MROH1: variants seen among roughly 807,000 people sequenced by gnomAD.
The protein encoded by MROH1 is maestro heat-like repeat-containing protein family member 1.
A neutral mutation model predicts 116.5 loss-of-function variants in MROH1; 117 were observed. That is an observed-to-expected ratio of 1.00 (90% confidence interval 0.86 to 1.17). The LOEUF is 1.17. Ranked by LOEUF, MROH1 falls within the 50% of genes most tolerant of loss-of-function variation. The pLI is 0.00. For missense variants in MROH1, 1,873 were observed against 1,338.5 expected, an observed-to-expected ratio of 1.40 and a Z score of -6.23; for synonymous variants, 921 against 583.9, an observed-to-expected ratio of 1.58 and a Z score of -8.32.
chr8:144,223,244 A>C lies in MROH1; in HGVS notation c.1338+14A>C, dbSNP rs750254440. ...CCCGAGCAGGAGGTAAGGGGCTGCC[A>C]CCTTGCCTGCCTCCTAGGCCCACGC... On this transcript the variant is annotated intron_variant, in intron 14 of 43. Coordinates refer to ENST00000326134, the MANE Select transcript of MROH1 (RefSeq NM_032450.3). 1 of 1,587,092 alleles carries C rather than the reference A, an allele frequency of 6.3e-7. No individual in the cohort carries two copies. The highest frequency in any genetic ancestry group is 2.3e-5 in the East Asian group (1 of 43,410).
rs942301285 is a variant in MROH1, at chr8:144,238,496, C to T, written c.1339-260C>T. On this transcript the variant is annotated intron_variant, in intron 14 of 43. Transcript: ENST00000326134. ...CTCCCCTGCAGGCATTGCAACCTCA[C>T]GAGCAGTGATTTTTTATGGAGTCAG... 7.3e-3 allele frequency among the ~76,000 whole-genome samples: 1,114 copies of T among 152,314 alleles called. 11 individuals are homozygous for T. The highest frequency in any genetic ancestry group is 0.024 in the African/African-American group (978 of 41,558).
intron 22 of MROH1, chr8:144,242,076 G>A (rs1395569171): frequency 1.9e-6 from 1 of 531,156 alleles, no homozygotes; most frequent in Non-Finnish European, 3.4e-6. Context: ...ACTCTCTCAC[G>A]TGGCTGTGCT....
Position 144,242,538 on chromosome 8 carries a change from C to T in MROH1, c.2325+23C>T, listed in dbSNP as rs1302509265. On this transcript the variant is annotated intron_variant, in intron 23 of 43. Transcript: ENST00000326134. ...AAGGTGGGCACTGCGGTGGGCCTGC[C>T]ACGCAGGGGAGCTGGGGCTGCCGGG... is the stretch of plus-strand genomic sequence containing the variant. 9 of 780,398 alleles carry T rather than the reference C, an allele frequency of 1.2e-5. No individual in the cohort carries two copies. In the Admixed American group the frequency reaches 1.2e-4, roughly 10 times the overall value. 48.3% of individuals were successfully genotyped at this position (780,398 alleles called of 1,614,324 possible). A position where few individuals can be genotyped will look rare whatever the true frequency, so the allele number is the denominator to read the frequency against.
Position 144,244,548 on chromosome 8 carries a change from G to C in MROH1, c.2766+9G>C. The C allele has an allele frequency of 1.3e-6, 1 of 750,622 alleles. No individual in the cohort carries two copies. Among genetic ancestry groups the C allele is most frequent in the Admixed American group, 1.8e-5 (1 of 55,158 alleles). The allele number at this position is 750,622 out of a possible 1,614,324, so 46.5% of individuals were successfully genotyped here. On this transcript the variant is annotated intron_variant, in intron 28 of 43. Coordinates refer to ENST00000326134, the MANE Select transcript of MROH1 (RefSeq NM_032450.3). ...TGCAGATCATGATTGAGGTGTGCAG[G>C]GGGGAACTGTCATGGGGATGGGGAT...
At chr8:144,217,706 C>T (rs1162032523) in intron 12 of MROH1, among the ~76,000 whole-genome samples, 1 of 152,214 alleles carries the variant, frequency 6.6e-6, no homozygotes, top group Non-Finnish European at 1.5e-5. Context: ...CGGCTTCAAG[C>T]GATTCTTGCA....
intron 14 of MROH1, among the ~76,000 whole-genome samples, chr8:144,234,961 CGGCTCACTGT>C (rs1376482739): frequency 4.8e-5 from 7 of 144,742 alleles, no homozygotes; most frequent in African/African-American, 1.8e-4. Context: ...GGCACCCTCT[CGGCTCACTGT>C]GACCTCCGCC....
chr8:144,201,733 G>T (rs1260673819), intron 12 of MROH1, among the ~76,000 whole-genome samples: 3 of 151,786 alleles, frequency 2.0e-5, no homozygotes, highest in Admixed American at 6.6e-5. Flanking sequence ...CAGCAGGGCC[G>T]GCCGGGCAGT....
chr8:144,261,297 G>A lies in MROH1; in HGVS notation c.4788G>A (p.Leu1596=), dbSNP rs1045021788. The A allele has an allele frequency of 1.4e-6, 1 of 734,180 alleles. No homozygotes were observed. The highest frequency in any genetic ancestry group is 2.5e-6 in the Non-Finnish European group (1 of 404,178). 45.5% of individuals were successfully genotyped at this position (734,180 alleles called of 1,614,324 possible). The change falls in exon 43 of 44, where the codon CTG becomes CTA. Residue 1596 remains leucine, a synonymous_variant. Coordinates refer to ENST00000326134, the MANE Select transcript of MROH1 (RefSeq NM_032450.3). ...CCCACTTCACAGGGTTCCTGGTGCT[G>A]CACTCGGAGCCCAGGCAGCAGCCGC... ...AAPLFTGFLV[L]HSEPRQQPQV... is the part of the protein sequence containing the mutation.
At chr8:144,220,140 C>T (rs894476264) in intron 12 of MROH1, among the ~76,000 whole-genome samples, 3 of 152,212 alleles carry the variant, frequency 2.0e-5, no homozygotes, top group African/African-American at 7.2e-5. Flanking sequence ...TGATGGTTCT[C>T]AAGGGGGTCC....
chr8:144,239,529 C>T (rs56091706), intron 17 of MROH1, 85 bp from the exon 18 acceptor site: 20 of 758,046 alleles, frequency 2.6e-5, no homozygotes, highest in Non-Finnish European at 3.4e-5. Flanking sequence ...GGCTCCCCGT[C>T]GGGTGATGTG....
chr8:144,151,685 G>A (rs1816832030), intron 1 of MROH1, among the ~76,000 whole-genome samples: 1 of 152,220 alleles, frequency 6.6e-6, no homozygotes, highest in African/African-American at 2.4e-5. Context: ...TTTAGCACAA[G>A]CTGCCTATAG....
intron 7 of MROH1, 95 bp from the exon 8 acceptor site, chr8:144,190,689 G>A (rs143746936): frequency 2.0e-5 from 30 of 1,478,318 alleles, no homozygotes; most frequent in African/African-American, 1.5e-4. Flanking sequence ...CTTGCAGGCC[G>A]TGGGATTTCT....
chr8:144,238,756 C>A lies in MROH1; in HGVS notation c.1339C>A (p.Pro447Thr). Residue 447 changes from proline (P) to threonine (T), a missense_variant and splice_region_variant, in exon 15 of 44, where the codon CCT (proline) becomes ACT (threonine). Physicochemically the swap from Pro to Thr is conservative, Grantham distance 38. Coordinates refer to ENST00000326134, the MANE Select transcript of MROH1 (RefSeq NM_032450.3). ...GCCTTTGCCTTTTGCCTTCCTCCAG[C>A]CTGAGAAGCCAGGCCCCGGCAGCAA... ...QQCALPPEQE[P>T]EKPGPGSKDP... The A allele has an allele frequency of 1.3e-6, 1 of 771,840 alleles. No individual in the cohort carries two copies. The highest frequency in any genetic ancestry group is 2.4e-6 in the Non-Finnish European group (1 of 417,684). The allele number at this position is 771,840 out of a possible 1,614,324, so 47.8% of individuals were successfully genotyped here. A position where few individuals can be genotyped will look rare whatever the true frequency, so the allele number is the denominator to read the frequency against.
At chr8:144,261,595 G>A (rs1245768124) in intron 43 of MROH1, 60 bp from the exon 44 acceptor site, 17 of 700,832 alleles carry the variant, frequency 2.4e-5, no homozygotes, top group Non-Finnish European at 3.9e-5. Flanking sequence ...CGTGGCCCAC[G>A]CGCAGGCATG....
In MROH1 at chr8:144,254,832, C is replaced by T. The variant is rs982635903; in HGVS notation, c.3448C>T (p.Arg1150Trp). The T allele has an allele frequency of 3.1e-5, 24 of 776,108 alleles. No individual in the cohort carries two copies. Among genetic ancestry groups the T allele is most frequent in the Middle Eastern group, 3.1e-4 (1 of 3,208 alleles). The allele number at this position is 776,108 out of a possible 1,614,324, so 48.1% of individuals were successfully genotyped here. Reference protein sequence around the residue: ...PLDSHTCMLWRALAVEPRLAA... With the variant: ...PLDSHTCMLWWALAVEPRLAA... ...CTCCAGCCACACCTGCATGCTGTGG[C>T]GGGCGCTGGCGGTGGAGCCTCGCCT... The change falls in exon 34 of 44, where the codon CGG (arginine) becomes TGG (tryptophan). Residue 1150 changes from arginine (R) to tryptophan (W), a missense_variant. Physicochemically the swap from Arg to Trp is moderately radical, Grantham distance 101. Transcript: ENST00000326134.
intron 36 of MROH1, 138 bp downstream of exon 36, chr8:144,259,052 G>C: frequency 7.7e-6 from 5 of 646,038 alleles, no homozygotes; most frequent in Non-Finnish European, 8.5e-6. Flanking sequence ...TTCACTCTCT[G>C]GGGCAGGGGT....
intron 1 of MROH1, among the ~76,000 whole-genome samples, chr8:144,153,410 T>A (rs1251692104): frequency 6.6e-6 from 1 of 152,098 alleles, no homozygotes; most frequent in Non-Finnish European, 1.5e-5. Context: ...TTGGCCAGTC[T>A]GGTCTCGAAC....
At chr8:144,164,291 G>C (rs950971724) in intron 3 of MROH1, among the ~76,000 whole-genome samples, 2 of 151,352 alleles carry the variant, frequency 1.3e-5, no homozygotes, top group Admixed American at 6.6e-5. Context: ...TGTAGTCCCA[G>C]CTACTCGGGA....
At chr8:144,188,948 TG>T (rs1164707396) in intron 7 of MROH1, among the ~76,000 whole-genome samples, 1 of 151,854 alleles carries the variant, frequency 6.6e-6, no homozygotes, top group Non-Finnish European at 1.5e-5. Flanking sequence ...CTCAGAAAAA[TG>T]GGGCAAGAAA....
Sources: allele counts gnomAD v4.1 joint callset (sites outside exome capture counted in the v4.1 genomes callset), GRCh38; gene constraint gnomAD v4.1.1; transcripts MANE v1.5; gene names NCBI Gene and HGNC (gene_info 2026-07-23, HGNC 2026-07-21).